DCLK1: variants seen among roughly 807,000 people sequenced by gnomAD.
The protein encoded by DCLK1 is doublecortin like kinase 1.
DCLK1 carries 16 observed loss-of-function variants against 86.2 expected under a neutral mutation model. The observed-to-expected ratio is 0.19, with a 90% CI of 0.13 to 0.28. The LOEUF (loss-of-function observed/expected upper bound fraction) is 0.28. DCLK1 is among the 10% of genes least tolerant of loss of function. The pLI is 1.00. For synonymous variants in DCLK1, 369 were observed against 370.5 expected (o/e 1.00, Z 0.05); for missense variants, 590 against 940.2 (o/e 0.63, Z 4.87).
chr13:35,843,324 G>A (rs1248557309), intron 6 of DCLK1, among the ~76,000 whole-genome samples: 2 of 152,086 alleles, frequency 1.3e-5, no homozygotes, highest in African/African-American at 4.8e-5. Flanking sequence ...GATTTAATGG[G>A]AACCATTTGG....
chr13:36,064,286 A>G (rs1215712002), intron 3 of DCLK1, among the ~76,000 whole-genome samples: 1 of 152,232 alleles, frequency 6.6e-6, no homozygotes, highest in Non-Finnish European at 1.5e-5. Flanking sequence ...TGAACTGTTC[A>G]TCGTAAGTTT....
intron 8 of DCLK1, among the ~76,000 whole-genome samples, chr13:35,830,174 T>G (rs777829844): frequency 4.0e-5 from 6 of 151,682 alleles, no homozygotes; most frequent in Non-Finnish European, 7.4e-5. Flanking sequence ...TCACTTGAGG[T>G]CAGGAGTTCG....
intron 3 of DCLK1, among the ~76,000 whole-genome samples, chr13:36,065,283 G>C (rs991337570): frequency 6.6e-6 from 1 of 152,208 alleles, no homozygotes; most frequent in Non-Finnish European, 1.5e-5. Context: ...GTTGTGAAGA[G>C]TAAATGAGAC....
intron 3 of DCLK1, among the ~76,000 whole-genome samples, chr13:36,094,123 A>G (rs1432284551): frequency 6.6e-6 from 1 of 152,194 alleles, no homozygotes; most frequent in Non-Finnish European, 1.5e-5. Flanking sequence ...AATATGTTAC[A>G]GCATTTTTTA....
chr13:36,001,677 A>T (rs1469691548), intron 3 of DCLK1, among the ~76,000 whole-genome samples: 1 of 152,188 alleles, frequency 6.6e-6, no homozygotes, highest in East Asian at 1.9e-4. Flanking sequence ...ACAAAAGAAG[A>T]ACTGTGTGGT....
At chr13:35,858,243 T>C (rs1168237104) in intron 5 of DCLK1, among the ~76,000 whole-genome samples, 1 of 152,064 alleles carries the variant, frequency 6.6e-6, no homozygotes, top group Non-Finnish European at 1.5e-5. Flanking sequence ...ACGGAAACGT[T>C]CCAGAGAAAT....
chr13:35,933,341 C>T (rs917037891), intron 4 of DCLK1, among the ~76,000 whole-genome samples: 17 of 152,196 alleles, frequency 1.1e-4, no homozygotes, highest in African/African-American at 1.7e-4. Flanking sequence ...GCCTGGAGGA[C>T]GGTGGCCCTC....
At chr13:35,986,264 T>G (rs1409428086) in intron 3 of DCLK1, among the ~76,000 whole-genome samples, 1 of 129,072 alleles carries the variant, frequency 7.7e-6, no homozygotes, top group Non-Finnish European at 1.5e-5. Context: ...ATCATGCCAT[T>G]GCACTCCAGT....
At chr13:35,816,263 C>T (rs544596869) in intron 11 of DCLK1, among the ~76,000 whole-genome samples, 28 of 152,314 alleles carry the variant, frequency 1.8e-4, no homozygotes, top group Middle Eastern at 3.4e-3. Flanking sequence ...AGGAACTAAA[C>T]TCACCCATAA....
rs2086292854 is a variant in DCLK1, at chr13:35,769,557, A to G, written c.*4978T>C. 6.6e-6 allele frequency: 1 copy of G among 152,190 alleles called. No homozygotes were observed. The highest frequency in any genetic ancestry group is 2.1e-4 in the South Asian group (1 of 4,834). The allele number at this position is 152,190 out of a possible 1,614,324, so 9.4% of individuals were successfully genotyped here. ...TGAGAATACACCAAAGATTAATGTC[A>G]ATGGCAAGTGAGAAATTGTCCCTAG... On this transcript the variant is annotated 3_prime_UTR_variant, in exon 17 of 17. Coordinates refer to ENST00000360631, the MANE Select transcript of DCLK1 (RefSeq NM_001330071.2).
intron 16 of DCLK1, among the ~76,000 whole-genome samples, chr13:35,791,881 T>C (rs550932639): frequency 6.6e-6 from 1 of 152,256 alleles, no homozygotes; most frequent in African/African-American, 2.4e-5. Context: ...AAGAAAACTG[T>C]GGAATCAAAT....
chr13:35,944,397 A>G (rs1010664829), intron 4 of DCLK1, among the ~76,000 whole-genome samples: 3 of 152,212 alleles, frequency 2.0e-5, no homozygotes, highest in East Asian at 1.9e-4. Context: ...TAAGGAAGCT[A>G]CTATGGAAAA....
At chr13:35,910,032 C>A (rs1039417203) in intron 4 of DCLK1, among the ~76,000 whole-genome samples, 4 of 152,122 alleles carry the variant, frequency 2.6e-5, no homozygotes, top group Admixed American at 2.0e-4. Flanking sequence ...TTTGTCTTCC[C>A]CCAGGTGCTA....
In DCLK1 at chr13:35,871,297, T is replaced by C. The variant is rs1330756624; in HGVS notation, c.867A>G (p.Ser289=). 6.2e-7 allele frequency: 1 copy of C among 1,613,966 alleles called. No homozygotes were observed. Among genetic ancestry groups the C allele is most frequent in the Non-Finnish European group, 8.5e-7 (1 of 1,179,992 alleles). Residue 289 remains serine (S), a synonymous_variant, in exon 5 of 17, where the codon TCA becomes TCG. Coordinates refer to ENST00000360631, the MANE Select transcript of DCLK1 (RefSeq NM_001330071.2). ...VKSTSYTKIA[S]SSRRSTTKSP... ...TCTTGGTGGTGCTCCTGCGGGATGA[T>C]GAAGCTATTTTGGTGTAAGAAGTGG...
chr13:35,918,095 T>C (rs922295126), intron 4 of DCLK1, among the ~76,000 whole-genome samples: 2 of 152,194 alleles, frequency 1.3e-5, no homozygotes, highest in African/African-American at 4.8e-5. Flanking sequence ...TAAGATGTGA[T>C]CATTTCAAGT....
At position 36,125,982 on chromosome 13, in the gene DCLK1, G is replaced by A. The variant is rs749628821; in HGVS notation, c.156C>T (p.Ser52=). Residue 52 remains serine (S), a synonymous_variant, in exon 2 of 17, where the codon TCC becomes TCT. Coordinates refer to ENST00000360631, the MANE Select transcript of DCLK1 (RefSeq NM_001330071.2). The part of the protein sequence containing the change: ...YRTRTLQTLS[S]EKKAKKVRFY... ...AACGAACTTTCTTGGCCTTCTTCTC[G>A]GAGCTGAGCGTCTGCAGCGTGCGGG... is the stretch of plus-strand genomic sequence containing the variant. 8.1e-6 allele frequency: 13 copies of A among 1,614,050 alleles called. No individual in the cohort carries two copies. Among genetic ancestry groups the A allele is most frequent in the Admixed American group, 1.7e-5 (1 of 60,018 alleles).
intron 5 of DCLK1, 24 bp from the exon 6 acceptor site, chr13:35,854,617 CAG>C: frequency 2.6e-6 from 4 of 1,537,662 alleles, no homozygotes; most frequent in South Asian, 1.2e-5. Context: ...GAATCACACA[CAG>C]AGAAAAATGG....
At chr13:35,967,830 T>TA (rs912061833) in intron 3 of DCLK1, among the ~76,000 whole-genome samples, 35 of 150,970 alleles carry the variant, frequency 2.3e-4, no homozygotes, top group Non-Finnish European at 4.0e-4. Context: ...CAATAAATAC[T>TA]AAAAAAAATT....
At chr13:35,883,500 C>T (rs1389446870) in intron 4 of DCLK1, among the ~76,000 whole-genome samples, 1 of 152,158 alleles carries the variant, frequency 6.6e-6, no homozygotes, top group Non-Finnish European at 1.5e-5. Context: ...GATGCAAATG[C>T]TGGTGTCATG....
Sources: allele counts gnomAD v4.1 joint callset (sites outside exome capture counted in the v4.1 genomes callset), GRCh38; gene constraint gnomAD v4.1.1; transcripts MANE v1.5; gene names NCBI Gene and HGNC (gene_info 2026-07-23, HGNC 2026-07-21).